Variants in FOXP2 observed in about 807,000 individuals in gnomAD.
FOXP2 encodes the protein forkhead box protein P2.
FOXP2 carries 12 observed loss-of-function variants against 115.8 expected under a neutral mutation model. The observed-to-expected ratio is 0.10, with a 90% CI of 0.07 to 0.17. The LOEUF (loss-of-function observed/expected upper bound fraction) is 0.17, where lower values mean the gene tolerates loss of function less well. Ranked by LOEUF, FOXP2 falls within the 10% of genes least tolerant of loss-of-function variation. The pLI, the probability that FOXP2 is intolerant of heterozygous loss-of-function variation, is 1.00. For synonymous variants in FOXP2, 328 were observed against 297.7 expected (o/e 1.10, Z -1.05); for missense variants, 629 against 843.5 (o/e 0.75, Z 3.15).
chr7:114,395,939 G>T (rs540707421), intron 2 of FOXP2, among the ~76,000 whole-genome samples: 22 of 151,772 alleles, frequency 1.4e-4, no homozygotes, highest in Non-Finnish European at 3.1e-4. Context: ...TTTGATACAG[G>T]CATACAGTAG....
At chr7:114,587,883 C>CAGG in intron 3 of FOXP2, among the ~76,000 whole-genome samples, 1 of 58,984 alleles carries the variant, frequency 1.7e-5, no homozygotes, top group Non-Finnish European at 4.4e-5. Context: ...ATAATTAAAT[C>CAGG]CACCTTTCTT....
At chr7:114,503,186 T>A (rs569993943) in intron 2 of FOXP2, among the ~76,000 whole-genome samples, 3 of 152,052 alleles carry the variant, frequency 2.0e-5, no homozygotes, top group African/African-American at 7.2e-5. Flanking sequence ...CCTGAGTCAG[T>A]CTGCTATTTT....
intron 1 of FOXP2, among the ~76,000 whole-genome samples, chr7:114,129,873 GAA>G (rs1230531901): frequency 2.6e-5 from 4 of 152,250 alleles, no homozygotes; most frequent in African/African-American, 7.2e-5. Context: ...AGGTACTACA[GAA>G]AAGATATGCA....
At chr7:114,636,824 T>C (rs912401601) in intron 6 of FOXP2, among the ~76,000 whole-genome samples, 1 of 152,134 alleles carries the variant, frequency 6.6e-6, no homozygotes, top group Admixed American at 6.5e-5. Context: ...AATTAATTCT[T>C]AGCACAGTGC....
intron 2 of FOXP2, among the ~76,000 whole-genome samples, chr7:114,457,086 G>C (rs796624503): frequency 7.0e-4 from 106 of 152,200 alleles, no homozygotes; most frequent in Middle Eastern, 3.4e-3. Flanking sequence ...GGAGATCTAA[G>C]ATACAATATG....
chr7:114,667,359 T>G (rs1465938752), intron 16 of FOXP2: 1 of 152,048 alleles, frequency 6.6e-6, no homozygotes, highest in Non-Finnish European at 1.5e-5. Context: ...GCCTAGGGAT[T>G]TCGAGGTTAC....
chr7:114,176,581 T>C (rs1793319297), intron 1 of FOXP2, among the ~76,000 whole-genome samples: 1 of 151,824 alleles, frequency 6.6e-6, no homozygotes, highest in Non-Finnish European at 1.5e-5. Context: ...TCTCAAGTGA[T>C]TTGCCCTCCT....
chr7:114,633,262 CT>C (rs1805018920), intron 6 of FOXP2, among the ~76,000 whole-genome samples: 1 of 152,074 alleles, frequency 6.6e-6, no homozygotes, highest in Non-Finnish European at 1.5e-5. Context: ...CAAAAAACAT[CT>C]CTCTGAACAA....
chr7:114,587,627 A>G (rs571560691), intron 3 of FOXP2, among the ~76,000 whole-genome samples: 4 of 152,040 alleles, frequency 2.6e-5, no homozygotes, highest in African/African-American at 7.2e-5. Context: ...AGCAAATCCA[A>G]ACACATAAAA....
chr7:114,422,069 T>A (rs1199796322), intron 1 of FOXP2, among the ~76,000 whole-genome samples: 1 of 151,764 alleles, frequency 6.6e-6, no homozygotes, highest in African/African-American at 2.4e-5. Flanking sequence ...TATTTGATAT[T>A]GATAATTGAT....
chr7:114,558,651 T>G (rs1800589679), intron 3 of FOXP2, among the ~76,000 whole-genome samples: 1 of 152,192 alleles, frequency 6.6e-6, no homozygotes. Flanking sequence ...GTTCTTCATC[T>G]TTACCCCACC....
intron 3 of FOXP2, among the ~76,000 whole-genome samples, chr7:114,566,371 T>A (rs1433644889): frequency 6.6e-6 from 1 of 151,742 alleles, no homozygotes; most frequent in Admixed American, 6.6e-5. Flanking sequence ...TCACGGGAGG[T>A]GTTTGGGTCA....
chr7:114,253,763 A>C (rs566988061), intron 1 of FOXP2, among the ~76,000 whole-genome samples: 14 of 152,240 alleles, frequency 9.2e-5, no homozygotes, highest in Admixed American at 8.5e-4. Context: ...CAGTCTGTGT[A>C]TTTTAATTGG....
intron 1 of FOXP2, among the ~76,000 whole-genome samples, chr7:114,156,091 A>T (rs1792659940): frequency 2.0e-5 from 3 of 151,946 alleles, no homozygotes; most frequent in African/African-American, 7.3e-5. Flanking sequence ...AACCTGTGCC[A>T]TTTTGCCTCT....
chr7:114,100,894 C>A (rs951040582), intron 1 of FOXP2, among the ~76,000 whole-genome samples: 6 of 152,138 alleles, frequency 3.9e-5, no homozygotes, highest in African/African-American at 1.2e-4. Context: ...ATGTTATTAT[C>A]CCCATTTTAT....
At chr7:114,532,782 A>G (rs1584861078) in intron 2 of FOXP2, among the ~76,000 whole-genome samples, 1 of 151,910 alleles carries the variant, frequency 6.6e-6, no homozygotes, top group Non-Finnish European at 1.5e-5. Context: ...AAACTACATG[A>G]AAACAATTAG....
intron 6 of FOXP2, among the ~76,000 whole-genome samples, chr7:114,641,433 C>T (rs1466317405): frequency 6.6e-6 from 1 of 152,088 alleles, no homozygotes; most frequent in Non-Finnish European, 1.5e-5. Context: ...TTGATTTACT[C>T]TATCAGTCAT....
rs186344733 is a variant in FOXP2 at position 114,339,772 on chromosome 7, C to T, written c.-11+51663C>T. Reference sequence around the variant, plus strand: ...TCCCTGTGTTAAAAGCATCCAATTTCCCCTTTTTTTGGAATCTGTTGCTCT... The same window carrying T: ...TCCCTGTGTTAAAAGCATCCAATTTTCCCTTTTTTTGGAATCTGTTGCTCT... On this transcript the variant is annotated intron_variant, in intron 2 of 17. Coordinates refer to the FOXP2 transcript ENST00000634411. 3.0e-3 allele frequency among the ~76,000 whole-genome samples: 454 copies of T among 151,214 alleles called. 1 individual carries two copies. The highest frequency in any genetic ancestry group is 0.011 in the South Asian group (55 of 4,814).
chr7:114,361,177 T>G (rs1162084696), intron 2 of FOXP2, among the ~76,000 whole-genome samples: 1 of 152,150 alleles, frequency 6.6e-6, no homozygotes, highest in Non-Finnish European at 1.5e-5. Context: ...GGGACAGTAC[T>G]CAAATCATGA....
Sources: allele counts gnomAD v4.1 joint callset (sites outside exome capture counted in the v4.1 genomes callset), GRCh38; gene constraint gnomAD v4.1.1; transcripts MANE v1.5; gene names NCBI Gene and HGNC (gene_info 2026-07-23, HGNC 2026-07-21).